The following ABLIM2 variants were observed in gnomAD, a reference collection of about 807,000 sequenced individuals.
ABLIM2 encodes the protein actin-binding LIM protein 2.
A neutral mutation model predicts 97.7 loss-of-function variants in ABLIM2; 53 were observed. The ratio of observed to expected loss-of-function variants is 0.54; its 90% CI spans 0.44 to 0.68. The LOEUF is 0.68. ABLIM2 is among the 30% of genes least tolerant of loss of function. The pLI is 0.00. For synonymous variants in ABLIM2, 361 were observed against 345.8 expected, an observed-to-expected ratio of 1.04 and a Z score of -0.49; for missense variants, 835 against 867.2, an observed-to-expected ratio of 0.96 and a Z score of 0.47.
At chr4:8,079,922 C>A (rs1019878396) in intron 5 of ABLIM2, among the ~76,000 whole-genome samples, 1 of 152,164 alleles carries the variant, frequency 6.6e-6, no homozygotes, top group Non-Finnish European at 1.5e-5. Context: ...AGGAAGGGGC[C>A]CTCTGCGCTC....
chr4:8,106,652 A>G lies in ABLIM2; in HGVS notation c.11-15T>C, dbSNP rs1382357904. On this transcript the variant is annotated splice_polypyrimidine_tract_variant and intron_variant, in intron 1 of 20. Coordinates refer to ENST00000447017, the MANE Select transcript of ABLIM2 (RefSeq NM_001130083.2). Reference sequence around the variant, plus strand: ...GGGCTGCGACACTGTTGGGAAAGAGAGAAGAGCAGCGTTCAAGGGTGGATG... The same window carrying G: ...GGGCTGCGACACTGTTGGGAAAGAGGGAAGAGCAGCGTTCAAGGGTGGATG... The G allele has an allele frequency of 6.3e-7, 1 of 1,597,334 alleles. No homozygotes were observed. The highest frequency in any genetic ancestry group is 8.5e-7 in the Non-Finnish European group (1 of 1,171,886).
In ABLIM2 at chr4:8,032,795, C is replaced by T. The variant is rs1781794366; in HGVS notation, c.1048-3019G>A. 2.8e-6 allele frequency: 3 copies of T among 1,077,748 alleles called. No homozygotes were observed. Among genetic ancestry groups the T allele is most frequent in the Non-Finnish European group, 2.8e-6 (2 of 708,166 alleles). The allele number at this position is 1,077,748 out of a possible 1,614,324, so 66.8% of individuals were successfully genotyped here. On this transcript the variant is annotated intron_variant, in intron 10 of 20. Transcript: ENST00000447017. This position sits in a 1 kb window ranked among gnomAD's most constrained non-coding sequence, Gnocchi z 4.3. ...GCAAACACCCACACAGAGCCCTGAT[C>T]CTCCAGACAGGAAAAGAACTCTACC...
chr4:8,055,967 G>T lies in ABLIM2; in HGVS notation c.764-1721C>A, dbSNP rs767081354. On this transcript the variant is annotated intron_variant, in intron 7 of 20. Coordinates refer to ENST00000447017, the MANE Select transcript of ABLIM2 (RefSeq NM_001130083.2). ...ATCTCTATCAAAAATAGAAAAATTAGCCAGGCATTGTGGTGGCTACCTGTA... is the reference window on the plus strand; with the variant it reads ...ATCTCTATCAAAAATAGAAAAATTATCCAGGCATTGTGGTGGCTACCTGTA... Among the ~76,000 whole-genome samples the T allele has an allele frequency of 2.0e-5, 3 of 151,858 alleles. No individual in the cohort carries two copies. The East Asian group carries it at 5.9e-4, about 30-fold the overall frequency.
chr4:8,050,998 G>A (rs1214977474), intron 8 of ABLIM2, among the ~76,000 whole-genome samples: 1 of 152,260 alleles, frequency 6.6e-6, no homozygotes, highest in African/African-American at 2.4e-5. Context: ...GCAGCATCCG[G>A]TGGTTAAGTG....
chr4:8,097,721 G>A (rs1832454722), intron 2 of ABLIM2, among the ~76,000 whole-genome samples: 1 of 152,128 alleles, frequency 6.6e-6, no homozygotes. Context: ...CTCTGTGCTG[G>A]GGGCCGAAGG....
chr4:8,025,457 GT>G (rs771233956), intron 12 of ABLIM2, among the ~76,000 whole-genome samples: 8 of 152,152 alleles, frequency 5.3e-5, no homozygotes, highest in Non-Finnish European at 1.0e-4. Flanking sequence ...CTGGTGGTGG[GT>G]AGGTGGGCAC....
intron 8 of ABLIM2, among the ~76,000 whole-genome samples, chr4:8,051,558 A>G (rs1261406882): frequency 9.2e-5 from 8 of 86,738 alleles, no homozygotes; most frequent in African/African-American, 4.5e-4. Flanking sequence ...GCGAGATTCC[A>G]TCTCAAAAAA....
At chr4:8,006,407 C>A (rs1402245283) in intron 16 of ABLIM2, among the ~76,000 whole-genome samples, 3 of 152,188 alleles carry the variant, frequency 2.0e-5, no homozygotes, top group Admixed American at 1.3e-4. Flanking sequence ...ATGGCCCCAG[C>A]CTTGCAGAGT....
Position 8,054,383 on chromosome 4 carries a change from T to G in ABLIM2, c.764-137A>C, listed in dbSNP as rs1441271863. On this transcript the variant is annotated intron_variant, in intron 7 of 20. Coordinates refer to ENST00000447017, the MANE Select transcript of ABLIM2 (RefSeq NM_001130083.2). The surrounding 1 kb of genome is among the most constrained non-coding windows in gnomAD (Gnocchi z 4.9). The stretch of plus-strand genomic sequence containing the variant: ...TCCACCCTCCAAGCGGCCCTGAGCA[T>G]CCTCTCTGTGCTGGAGTTAGTGCCG... 2.2e-6 allele frequency: 2 copies of G among 898,718 alleles called. No homozygotes were observed. The highest frequency in any genetic ancestry group is 3.5e-6 in the Non-Finnish European group (2 of 570,380). 55.7% of individuals were successfully genotyped at this position (898,718 alleles called of 1,614,324 possible). A position where few individuals can be genotyped will look rare whatever the true frequency, so the allele number is the denominator to read the frequency against.
intron 3 of ABLIM2, 48 bp downstream of exon 3, chr4:8,097,051 A>G: frequency 6.5e-7 from 1 of 1,546,558 alleles, no homozygotes; most frequent in Non-Finnish European, 8.7e-7. Context: ...GAAGGAGAAA[A>G]GGCCCAGAGA....
At position 7,967,042 on chromosome 4, in the gene ABLIM2, C is replaced by T. The variant is rs777348262; in HGVS notation, c.1886G>A (p.Arg629His). Residue 629 changes from arginine (R) to histidine (H), a missense_variant, in exon 21 of 21, where the codon CGC becomes CAC. Physicochemically the swap from Arg to His is conservative, Grantham distance 29. Coordinates refer to ENST00000447017, the MANE Select transcript of ABLIM2 (RefSeq NM_001130083.2). ...VFGMSIEEFD[R>H]LALWKRNDLK... ...GTCATTCCTCTTCCAGAGGGCCAGG[C>T]GGTCAAACTCCTCGATGCTCATCCC... 6.2e-6 allele frequency: 10 copies of T among 1,613,750 alleles called. No homozygotes were observed. In the East Asian group the frequency reaches 8.9e-5, roughly 14 times the overall value.
chr4:8,122,134 GCAACC>G lies in ABLIM2; in HGVS notation c.11-15502_11-15498del, dbSNP rs1554108826. Among the ~76,000 whole-genome samples, 1 of 152,188 alleles carries G rather than the reference GCAACC, an allele frequency of 6.6e-6. No homozygotes were observed. Among genetic ancestry groups the G allele is most frequent in the Non-Finnish European group, 1.5e-5 (1 of 68,030 alleles). The stretch of plus-strand genomic sequence containing the variant: ...AGCATATACTGGCCACACCTCAGCT[GCAACC>G]CACTCCTCCCCAGGCCTTTGAAGAT... On this transcript the variant is annotated intron_variant, in intron 1 of 20. Transcript: ENST00000447017. This position sits in a 1 kb window ranked among gnomAD's most constrained non-coding sequence, Gnocchi z 4.1.
intron 6 of ABLIM2, among the ~76,000 whole-genome samples, chr4:8,076,619 C>T (rs973002188): frequency 7.9e-5 from 12 of 151,892 alleles, no homozygotes; most frequent in Non-Finnish European, 1.5e-4. Flanking sequence ...TCTCCATTCT[C>T]GAGACCCCCC....
chr4:8,057,103 T>C (rs1359058161), intron 7 of ABLIM2, among the ~76,000 whole-genome samples: 24 of 149,004 alleles, frequency 1.6e-4, no homozygotes, highest in South Asian at 6.4e-4. Context: ...TCTTTCTTTT[T>C]TTTTTTTTTT....
At chr4:7,981,780 C>G (rs1191944598) in intron 20 of ABLIM2, among the ~76,000 whole-genome samples, 1 of 152,196 alleles carries the variant, frequency 6.6e-6, no homozygotes, top group African/African-American at 2.4e-5. Flanking sequence ...TGCAGAGCAG[C>G]TTGGTCAAAT....
At position 8,110,095 on chromosome 4, in the gene ABLIM2, G is replaced by A. The variant is rs529231207; in HGVS notation, c.11-3458C>T. On this transcript the variant is annotated intron_variant, in intron 1 of 20. Coordinates refer to ENST00000447017, the MANE Select transcript of ABLIM2 (RefSeq NM_001130083.2). ...TTCAAATGGTGCCTCTCTCGGCCACGCATGGCCCAGGCCATGGGGGCCCCT... is the reference window on the plus strand; with the variant it reads ...TTCAAATGGTGCCTCTCTCGGCCACACATGGCCCAGGCCATGGGGGCCCCT... 5.3e-5 allele frequency among the ~76,000 whole-genome samples: 8 copies of A among 152,362 alleles called. No homozygotes were observed. The South Asian group carries it at 1.4e-3, about 28-fold the overall frequency.
intron 1 of ABLIM2, among the ~76,000 whole-genome samples, chr4:8,141,183 C>T (rs1346091671): frequency 3.3e-5 from 5 of 151,948 alleles, no homozygotes; most frequent in African/African-American, 1.2e-4. Flanking sequence ...ACCTTGGCCA[C>T]CCCCTCTCCC....
At chr4:8,065,916 T>C (rs1309310431) in intron 6 of ABLIM2, among the ~76,000 whole-genome samples, 2 of 138,188 alleles carry the variant, frequency 1.4e-5, no homozygotes, top group Non-Finnish European at 3.1e-5. Context: ...AGTGCAAGAC[T>C]CCAGAAAGAA....
intron 1 of ABLIM2, among the ~76,000 whole-genome samples, chr4:8,114,388 C>A (rs909897695): frequency 6.6e-6 from 1 of 152,204 alleles, no homozygotes; most frequent in Non-Finnish European, 1.5e-5. Context: ...CCTCATGGAT[C>A]CTGCCACACT....
Sources: gnomAD v4.1 joint callset for allele counts (sites outside exome capture counted in the v4.1 genomes callset) on GRCh38, gnomAD v4.1.1 for gene constraint, Gnocchi (gnomAD v3.1) non-coding constraint, MANE v1.5 for transcripts, NCBI Gene and HGNC (gene_info 2026-07-23, HGNC 2026-07-21) for gene names.